Variants in PDE4D observed in about 807,000 individuals in gnomAD.
PDE4D encodes phosphodiesterase 4D.
Under a neutral mutation model 87.4 loss-of-function variants are expected in PDE4D, and 24 were observed. The ratio of observed to expected loss-of-function variants is 0.27; its 90% CI spans 0.20 to 0.39. The LOEUF is 0.39. Ranked by LOEUF, PDE4D falls within the 10% of genes least tolerant of loss-of-function variation. The pLI is 1.00. For synonymous variants in PDE4D, 384 were observed against 383.2 expected, an observed-to-expected ratio of 1.00 and a Z score of -0.02; for missense variants, 714 against 1,041.0, an observed-to-expected ratio of 0.69 and a Z score of 4.32.
At chr5:59,976,034 A>T (rs967625119) in intron 3 of PDE4D, among the ~76,000 whole-genome samples, 2 of 152,194 alleles carry the variant, frequency 1.3e-5, no homozygotes, top group African/African-American at 4.8e-5. Flanking sequence ...CCTGTGAAAG[A>T]AAAGGCTGTG....
intron 1 of PDE4D, chr5:59,529,247 C>T (rs1813713852): frequency 4.3e-6 from 2 of 469,412 alleles, no homozygotes; most frequent in Non-Finnish European, 8.5e-6. Context: ...TTTAACATCT[C>T]ATATTAAGTC....
At chr5:59,508,668 T>C (rs912481484) in intron 1 of PDE4D, among the ~76,000 whole-genome samples, 2 of 151,662 alleles carry the variant, frequency 1.3e-5, no homozygotes, top group African/African-American at 2.4e-5. Context: ...TAAAAAAAAA[T>C]ATTTAAGCTG....
rs1752124024 is a variant in PDE4D, at chr5:59,008,558, C to A, written c.922-15093G>T. ...CCACTCATAAAACAAGAAACTTCAA[C>A]CTTTATCCTGCACCACACTAACATC... On this transcript the variant is annotated intron_variant, in intron 6 of 14. Coordinates refer to ENST00000340635, the MANE Select transcript of PDE4D (RefSeq NM_001104631.2). Among the ~76,000 whole-genome samples the A allele has an allele frequency of 3.3e-5, 5 of 151,956 alleles. No individual in the cohort carries two copies. The South Asian group carries it at 8.3e-4, about 25-fold the overall frequency.
intron 1 of PDE4D, among the ~76,000 whole-genome samples, chr5:59,606,516 C>T (rs1023156860): frequency 1.1e-4 from 17 of 152,030 alleles, no homozygotes; most frequent in African/African-American, 4.1e-4. Context: ...GGTTAAGTTA[C>T]TTGCCCATGG....
chr5:59,001,679 A>C (rs1452308860), intron 6 of PDE4D, among the ~76,000 whole-genome samples: 1 of 152,168 alleles, frequency 6.6e-6, no homozygotes, highest in Non-Finnish European at 1.5e-5. Context: ...CACAATCTTC[A>C]ATGACCACTT....
intron 1 of PDE4D, among the ~76,000 whole-genome samples, chr5:60,503,157 C>T (rs2150247902): frequency 6.6e-6 from 1 of 152,182 alleles, no homozygotes; most frequent in Non-Finnish European, 1.5e-5. Context: ...TATTAACCAT[C>T]ACGAATAAAA....
Position 60,458,979 on chromosome 5 carries a change from T to TTGTGTG in PDE4D, c.-90+28957_-90+28962dup, listed in dbSNP as rs56310406. Among the ~76,000 whole-genome samples the TTGTGTG allele has an allele frequency of 1.5e-4, 22 of 148,682 alleles. 1 individual carries two copies. Among genetic ancestry groups the TTGTGTG allele is most frequent in the African/African-American group, 5.2e-4 (21 of 40,718 alleles). ...AAAGTGGTGTGATTTTGGTATAAGT[T>TTGTGTG]TGTGTGTGTGTGTGTGTGTGTGTTG... On this transcript the variant is annotated intron_variant, in intron 1 of 16. Transcript: ENST00000502484.
rs369091344 is a variant in PDE4D, at chr5:59,053,467, T to C, written c.809-14496A>G. Among the ~76,000 whole-genome samples the C allele has an allele frequency of 7.9e-5, 12 of 151,712 alleles. No individual in the cohort carries two copies. In the East Asian group the frequency reaches 1.4e-3, roughly 17 times the overall value. Reference sequence around the variant, plus strand: ...AATGTGTAGACATTTTTAATTATGATAATTAAGACAAAAATATGTGTAGCA... The same window carrying C: ...AATGTGTAGACATTTTTAATTATGACAATTAAGACAAAAATATGTGTAGCA... On this transcript the variant is annotated intron_variant, in intron 5 of 14. Transcript: ENST00000340635.
At chr5:59,856,106 T>C (rs1489619304) in intron 1 of PDE4D, among the ~76,000 whole-genome samples, 1 of 152,202 alleles carries the variant, frequency 6.6e-6, no homozygotes, top group Admixed American at 6.5e-5. Context: ...TAGTAATAGA[T>C]AAGAATCATA....
At chr5:60,294,537 G>A (rs1753204377) in intron 1 of PDE4D, among the ~76,000 whole-genome samples, 1 of 151,914 alleles carries the variant, frequency 6.6e-6, no homozygotes, top group Non-Finnish European at 1.5e-5. Context: ...TTTTGTCTGA[G>A]GTGTGAATTT....
chr5:59,799,439 A>C (rs1766866666), intron 1 of PDE4D, among the ~76,000 whole-genome samples: 1 of 152,246 alleles, frequency 6.6e-6, no homozygotes, highest in Admixed American at 6.5e-5. Context: ...AACAGATGGC[A>C]TCTCATTTTT....
chr5:59,613,336 C>T (rs1469470042), intron 1 of PDE4D, among the ~76,000 whole-genome samples: 1 of 152,056 alleles, frequency 6.6e-6, no homozygotes, highest in African/African-American at 2.4e-5. Context: ...TTTGGACATG[C>T]TCAGTTTCAG....
At chr5:59,013,629 G>A (rs1289699448) in intron 6 of PDE4D, among the ~76,000 whole-genome samples, 1 of 152,090 alleles carries the variant, frequency 6.6e-6, no homozygotes, top group African/African-American at 2.4e-5. Context: ...CCAATAACAG[G>A]TTCTGAAATT....
chr5:59,236,897 T>C (rs191589692), intron 1 of PDE4D, among the ~76,000 whole-genome samples: 1 of 152,238 alleles, frequency 6.6e-6, no homozygotes, highest in East Asian at 1.9e-4. Flanking sequence ...GGCTAGAAAA[T>C]GTAATTATTT....
At chr5:59,375,012 A>G (rs1445023180) in intron 1 of PDE4D, among the ~76,000 whole-genome samples, 1 of 152,204 alleles carries the variant, frequency 6.6e-6, no homozygotes, top group Non-Finnish European at 1.5e-5. Context: ...ACATACCAGA[A>G]CCTCTGGAAA....
At chr5:59,001,564 T>G (rs979742720) in intron 6 of PDE4D, among the ~76,000 whole-genome samples, 1 of 152,178 alleles carries the variant, frequency 6.6e-6, no homozygotes, top group Admixed American at 6.5e-5. Context: ...AGGTCCTCCT[T>G]TTCTCTGGTC....
At chr5:59,498,022 A>G (rs986851926) in intron 1 of PDE4D, among the ~76,000 whole-genome samples, 1 of 152,108 alleles carries the variant, frequency 6.6e-6, no homozygotes, top group African/African-American at 2.4e-5. Context: ...GACTATTTTT[A>G]GCATTTTTAA....
At chr5:59,246,268 G>A (rs1387899450) in intron 1 of PDE4D, among the ~76,000 whole-genome samples, 13 of 151,856 alleles carry the variant, frequency 8.6e-5, no homozygotes, top group Non-Finnish European at 1.8e-4. Context: ...CCTCTCTGAG[G>A]TTTCTTCAAA....
intron 1 of PDE4D, among the ~76,000 whole-genome samples, chr5:60,366,732 C>G (rs565391569): frequency 6.6e-6 from 1 of 152,324 alleles, no homozygotes; most frequent in African/African-American, 2.4e-5. Flanking sequence ...TGCAGCCCAG[C>G]CAACTTGTGC....
Sources: allele counts gnomAD v4.1 joint callset (sites outside exome capture counted in the v4.1 genomes callset), GRCh38; gene constraint gnomAD v4.1.1; transcripts MANE v1.5; gene names NCBI Gene and HGNC (gene_info 2026-07-23, HGNC 2026-07-21).